The following C1QTNF4 variants were observed in gnomAD, a reference collection of about 807,000 sequenced individuals.
C1QTNF4 encodes complement C1q tumor necrosis factor-related protein 4.
Under a neutral mutation model 14.6 loss-of-function variants are expected in C1QTNF4, and 12 were observed. The observed-to-expected ratio is 0.82, with a 90% CI of 0.53 to 1.33. The LOEUF (loss-of-function observed/expected upper bound fraction) is 1.33, where lower values mean the gene tolerates loss of function less well. Ranked by LOEUF, C1QTNF4 falls within the 40% of genes most tolerant of loss-of-function variation. The pLI is 0.00. For missense variants in C1QTNF4, 558 were observed against 500.3 expected (o/e 1.12, Z -1.10); for synonymous variants, 278 against 246.6 (o/e 1.13, Z -1.19).
In C1QTNF4 at chr11:47,590,779, GGGCCCAGCA is replaced by G; in HGVS notation, c.23_31del (p.Leu8_Gly10del). ...CGGGCCCAGGGCCCAGCAGGCCGCT[GGGCCCAGCA>G]GGCCCAGCAGAAGCGGCAGCATGGC... is the stretch of plus-strand genomic sequence containing the variant. On this transcript the variant is annotated inframe_deletion, in exon 2 of 2. Transcript: ENST00000302514. The G allele has an allele frequency of 2.6e-6, 4 of 1,534,418 alleles. No homozygotes were observed. Among genetic ancestry groups the G allele is most frequent in the Non-Finnish European group, 3.5e-6 (4 of 1,146,674 alleles).
chr11:47,590,821 A>G lies in C1QTNF4; in HGVS notation c.-5-6T>C. 1 of 1,470,468 alleles carries G rather than the reference A, an allele frequency of 6.8e-7. No homozygotes were observed. The highest frequency in any genetic ancestry group is 1.4e-5 in the South Asian group (1 of 72,356). The allele number at this position is 1,470,468 out of a possible 1,614,324, so 91.1% of individuals were successfully genotyped here. A position where few individuals can be genotyped will look rare whatever the true frequency, so the allele number is the denominator to read the frequency against. ...CAGAAGCGGCAGCATGGCGCCTGGG[A>G]GGGAGACGGAGGGGCGAGAGTGGAG... is the stretch of plus-strand genomic sequence containing the variant. On this transcript the variant is annotated splice_region_variant and splice_polypyrimidine_tract_variant and intron_variant, in intron 1 of 1. Coordinates refer to ENST00000302514, the MANE Select transcript of C1QTNF4 (RefSeq NM_031909.3).
Position 47,590,319 on chromosome 11 carries a change from CGCGTCA to C in C1QTNF4, c.486_491del (p.Asp163_Ala164del), listed in dbSNP as rs2097274635. ...GGGGCGCGGGCGGCCCGCGCGCAGG[CGCGTCA>C]GCGTCGGCGTCGGCGTAGACTAGGT... On this transcript the variant is annotated inframe_deletion, in exon 2 of 2. Coordinates refer to ENST00000302514, the MANE Select transcript of C1QTNF4 (RefSeq NM_031909.3). 1 of 1,251,002 alleles carries C rather than the reference CGCGTCA, an allele frequency of 8.0e-7. No individual in the cohort carries two copies. Among genetic ancestry groups the C allele is most frequent in the Non-Finnish European group, 1.0e-6 (1 of 995,128 alleles). The allele number at this position is 1,251,002 out of a possible 1,614,324, so 77.5% of individuals were successfully genotyped here. A position where few individuals can be genotyped will look rare whatever the true frequency, so the allele number is the denominator to read the frequency against.
At chr11:47,595,258 C>T (rs118102336), upstream of C1QTNF4, among the ~76,000 whole-genome samples, 1 of 152,204 alleles carries the variant, frequency 6.6e-6, no homozygotes, top group African/African-American at 2.4e-5. Context: ...TCTCCCCTGA[C>T]GGCTGTAGAG....
At position 47,590,787 on chromosome 11, in the gene C1QTNF4, C is replaced by T. The variant is rs553309802; in HGVS notation, c.24G>A (p.Leu8=). Residue 8 remains leucine, a synonymous_variant, in exon 2 of 2, where the codon CTG becomes CTA. Coordinates refer to ENST00000302514, the MANE Select transcript of C1QTNF4 (RefSeq NM_031909.3). ...GGGCCCAGCAGGCCGCTGGGCCCAG[C>T]AGGCCCAGCAGAAGCGGCAGCATGG... MLPLLLG[L]LGPAACWALG... is the part of the protein sequence containing the mutation. 6.6e-7 allele frequency: 1 copy of T among 1,516,468 alleles called. No homozygotes were observed. The highest frequency in any genetic ancestry group is 8.8e-7 in the Non-Finnish European group (1 of 1,138,336). 93.9% of individuals were successfully genotyped at this position (1,516,468 alleles called of 1,614,324 possible).
At position 47,590,314 on chromosome 11, in the gene C1QTNF4, G is replaced by C. The variant is rs1420864182; in HGVS notation, c.497C>G (p.Ala166Gly). Residue 166 changes from alanine (A) to glycine (G), a missense_variant, in exon 2 of 2, where the codon GCG becomes GGG. Coordinates refer to ENST00000302514, the MANE Select transcript of C1QTNF4 (RefSeq NM_031909.3). ...VYADADADAPARGPPAPPEPR... is the reference protein window; with the variant it reads ...VYADADADAPGRGPPAPPEPR... ...CTCGGGGGGCGCGGGCGGCCCGCGC[G>C]CAGGCGCGTCAGCGTCGGCGTCGGC... is the stretch of plus-strand genomic sequence containing the variant. The C allele has an allele frequency of 7.0e-5, 86 of 1,221,800 alleles. No homozygotes were observed. In the South Asian group the frequency reaches 1.8e-3, roughly 26 times the overall value. The allele number at this position is 1,221,800 out of a possible 1,614,324, so 75.7% of individuals were successfully genotyped here. A position where few individuals can be genotyped will look rare whatever the true frequency, so the allele number is the denominator to read the frequency against.
rs906218746 is a variant in C1QTNF4, at chr11:47,594,140, G to C, written c.-6+8C>G. 3.3e-5 allele frequency: 5 copies of C among 152,116 alleles called. No homozygotes were observed. The highest frequency in any genetic ancestry group is 1.2e-4 in the African/African-American group (5 of 41,428). 9.4% of individuals were successfully genotyped at this position (152,116 alleles called of 1,614,324 possible). On this transcript the variant is annotated splice_region_variant and intron_variant, in intron 1 of 1. Coordinates refer to ENST00000302514, the MANE Select transcript of C1QTNF4 (RefSeq NM_031909.3). ...CTCGGCTCCCTGCCTCCCCTCAGCT[G>C]CCCTCACCTGGCTGGGGGCGGCGGT... is the stretch of plus-strand genomic sequence containing the variant.
rs1338090750 is a variant in C1QTNF4, at chr11:47,590,185, T to C, written c.626A>G (p.Asn209Ser). ...CGCCGCGTCGAAGTCGCCGCCAATG[T>C]TGACGAACTCGGTGTCGAAGGCGAG... ...QPLAFDTEFV[N>S]IGGDFDAAAG... is the part of the protein sequence containing the mutation. The change falls in exon 2 of 2, where the codon AAC (asparagine) becomes AGC (serine). Residue 209 changes from asparagine (N) to serine (S), a missense_variant. By Grantham distance (46) the Asn-to-Ser change is conservative. Transcript: ENST00000302514. The C allele has an allele frequency of 1.9e-6, 3 of 1,596,400 alleles. No individual in the cohort carries two copies. The highest frequency in any genetic ancestry group is 2.6e-6 in the Non-Finnish European group (3 of 1,174,058).
At position 47,590,353 on chromosome 11, in the gene C1QTNF4, C is replaced by G; in HGVS notation, c.458G>C (p.Gly153Ala). Reference protein sequence around the residue: ...ALGAPGATFSGYLVYADADAD... With the variant: ...ALGAPGATFSAYLVYADADAD... Reference sequence around the variant, plus strand: ...GTCGGCGTCGGCGTAGACTAGGTAGCCGCTGAAGGTGGCGCCGGGCGCGCC... The same window carrying G: ...GTCGGCGTCGGCGTAGACTAGGTAGGCGCTGAAGGTGGCGCCGGGCGCGCC... Residue 153 changes from glycine to alanine, a missense_variant, in exon 2 of 2, where the codon GGC becomes GCC. Coordinates refer to ENST00000302514, the MANE Select transcript of C1QTNF4 (RefSeq NM_031909.3). 7.3e-7 allele frequency: 1 copy of G among 1,367,354 alleles called. No homozygotes were observed. Among genetic ancestry groups the G allele is most frequent in the Non-Finnish European group, 9.4e-7 (1 of 1,068,532 alleles). The allele number at this position is 1,367,354 out of a possible 1,614,324, so 84.7% of individuals were successfully genotyped here.
At chr11:47,591,251 T>C (rs2097275483) in intron 1 of C1QTNF4, among the ~76,000 whole-genome samples, 1 of 151,858 alleles carries the variant, frequency 6.6e-6, no homozygotes. Context: ...GCTAATTTTT[T>C]GTATCTTTAG....
chr11:47,589,970 C>A lies in C1QTNF4; in HGVS notation c.841G>T (p.Gly281Cys). 1 of 1,610,834 alleles carries A rather than the reference C, an allele frequency of 6.2e-7. No homozygotes were observed. Among genetic ancestry groups the A allele is most frequent in the Non-Finnish European group, 8.5e-7 (1 of 1,178,248 alleles). The change falls in exon 2 of 2, where the codon GGC becomes TGC. Residue 281 changes from glycine (G) to cysteine (C), a missense_variant. Gly to Cys is a radical substitution (Grantham distance 159, BLOSUM62 -3). Transcript: ENST00000302514. ...TGGCTGAGCAGCCAGACGGCGTCGCCGCGCCGCAGGGCCAGCATCACGCTC... is the reference window on the plus strand; with the variant it reads ...TGGCTGAGCAGCCAGACGGCGTCGCAGCGCCGCAGGGCCAGCATCACGCTC... ...SQSVMLALRR[G>C]DAVWLLSHDH...
chr11:47,593,777 G>T (rs573277542), intron 1 of C1QTNF4, among the ~76,000 whole-genome samples: 145 of 152,056 alleles, frequency 9.5e-4, no homozygotes, highest in African/African-American at 3.3e-3. Flanking sequence ...GGCGGGAGGT[G>T]CAGCGATGTC....
intron 1 of C1QTNF4, among the ~76,000 whole-genome samples, chr11:47,593,543 G>A (rs1337549953): frequency 2.0e-5 from 3 of 152,070 alleles, no homozygotes; most frequent in Non-Finnish European, 4.4e-5. Flanking sequence ...CCCAGCCTCC[G>A]TTTCACCCAC....
Position 47,590,009 on chromosome 11 carries a change from C to A in C1QTNF4, c.802G>T (p.Glu268Ter). The A allele has an allele frequency of 6.2e-7, 1 of 1,611,514 alleles. No individual in the cohort carries two copies. ...IYDDGASRRR[E>*]MQSQSVMLAL... ...AGCATCACGCTCTGGCTCTGCATCT[C>A]GCGGCGCCGCGACGCGCCGTCGTCG... is the stretch of plus-strand genomic sequence containing the variant. Residue 268 changes from glutamate (E) to a stop codon, truncating the protein, a stop_gained, in exon 2 of 2, where the codon GAG becomes TAG. Coordinates refer to ENST00000302514, the MANE Select transcript of C1QTNF4 (RefSeq NM_031909.3). LOFTEE classifies it high-confidence loss of function.
rs1231071170 is a variant in C1QTNF4, at chr11:47,590,573, AGG to A, written c.236_237del (p.Ser79PhefsTer84). On this transcript the variant is annotated frameshift_variant, in exon 2 of 2. Transcript: ENST00000302514. LOFTEE classifies it high-confidence loss of function. ...RCRVPGAYFF[S>X]FTAGKAPHKS... ...TTGTGCGGGGCCTTGCCAGCCGTGA[AGG>A]AGAAGAAGTAGGCGCCGGGCACGCG... 1.2e-6 allele frequency: 2 copies of A among 1,604,806 alleles called. No homozygotes were observed. Among genetic ancestry groups the A allele is most frequent in the Non-Finnish European group, 1.7e-6 (2 of 1,176,568 alleles).
At position 47,594,195 on chromosome 11, in the gene C1QTNF4, TGGCTCCGGGCTGCG is replaced by T. The variant is rs1392793901; in HGVS notation, c.-67_-54del. Reference sequence around the variant, plus strand: ...TCGGGTTCGGTCTGAGCCCGCGATCTGGCTCCGGGCTGCGGGCTGCGGGCTGCAGGCTGCAGGCT... The same window carrying T: ...TCGGGTTCGGTCTGAGCCCGCGATCTGGCTGCGGGCTGCAGGCTGCAGGCT... On this transcript the variant is annotated 5_prime_UTR_variant, in exon 1 of 2. Coordinates refer to ENST00000302514, the MANE Select transcript of C1QTNF4 (RefSeq NM_031909.3). The T allele has an allele frequency of 1.3e-5, 2 of 151,814 alleles. No individual in the cohort carries two copies. Among genetic ancestry groups the T allele is most frequent in the Non-Finnish European group, 2.9e-5 (2 of 67,980 alleles). The allele number at this position is 151,814 out of a possible 1,614,324, so 9.4% of individuals were successfully genotyped here.
At chr11:47,590,969 T>C (rs1015373787) in intron 1 of C1QTNF4, among the ~76,000 whole-genome samples, 154 bp from the exon 2 acceptor site, 5 of 152,178 alleles carry the variant, frequency 3.3e-5, no homozygotes, top group African/African-American at 1.2e-4. Context: ...TCTCAAACTC[T>C]AGCGAGCCTC....
chr11:47,591,727 C>G (rs1033649457), intron 1 of C1QTNF4, among the ~76,000 whole-genome samples: 3 of 152,182 alleles, frequency 2.0e-5, no homozygotes, highest in Non-Finnish European at 4.4e-5. Flanking sequence ...CACAGACTAG[C>G]AGAAACACTC....
chr11:47,590,217 G>A lies in C1QTNF4; in HGVS notation c.594C>T (p.His198=). ...VGSDAGPGPR[H]QPLAFDTEFV... is the part of the protein sequence containing the mutation. The stretch of plus-strand genomic sequence containing the variant: ...ACTCGGTGTCGAAGGCGAGTGGTTG[G>A]TGCCGCGGCCCGGGGCCAGCGTCCG... The change falls in exon 2 of 2, where the codon CAC becomes CAT. Residue 198 remains histidine, a synonymous_variant. Coordinates refer to ENST00000302514, the MANE Select transcript of C1QTNF4 (RefSeq NM_031909.3). 6.4e-7 allele frequency: 1 copy of A among 1,555,952 alleles called. No homozygotes were observed. The highest frequency in any genetic ancestry group is 8.6e-7 in the Non-Finnish European group (1 of 1,156,966).
chr11:47,591,201 C>T (rs1477481975), intron 1 of C1QTNF4, among the ~76,000 whole-genome samples: 1 of 151,992 alleles, frequency 6.6e-6, no homozygotes, highest in Non-Finnish European at 1.5e-5. Context: ...GCCTTAGCCT[C>T]CTGAGTAGCT....
Sources: allele counts gnomAD v4.1 joint callset (sites outside exome capture counted in the v4.1 genomes callset), GRCh38; gene constraint gnomAD v4.1.1; transcripts MANE v1.5; gene names NCBI Gene and HGNC (gene_info 2026-07-23, HGNC 2026-07-21).